Variants in ZNF213 observed in about 807,000 individuals in gnomAD.
ZNF213 encodes the protein zinc finger protein 213.
In ZNF213, 32 loss-of-function variants were observed where a neutral mutation model predicts 46.0. The ratio of observed to expected loss-of-function variants is 0.70; its 90% CI spans 0.52 to 0.93. The LOEUF is 0.93. Ranked by LOEUF, ZNF213 falls within the 40% of genes least tolerant of loss-of-function variation. The pLI is 0.00. For synonymous variants in ZNF213, 297 were observed against 271.0 expected (o/e 1.10, Z -0.94); for missense variants, 639 against 652.8 (o/e 0.98, Z 0.23).
Position 3,137,430 on chromosome 16 carries a change from A to C in ZNF213, c.150A>C (p.Gln50His), listed in dbSNP as rs7197270. The change falls in exon 2 of 6, where the codon CAA (glutamine) becomes CAC (histidine). Residue 50 changes from glutamine to histidine, a missense_variant. Coordinates refer to ENST00000396878, the MANE Select transcript of ZNF213 (RefSeq NM_004220.3). ...DSEACRQRFR[Q>H]FCYGDVHGPH... ...AAGCCTGCCGCCAGCGCTTCCGGCA[A>C]TTCTGCTACGGGGATGTGCATGGGC... 7.4e-6 allele frequency: 12 copies of C among 1,613,968 alleles called. No individual in the cohort carries two copies. Among genetic ancestry groups the C allele is most frequent in the Middle Eastern group, 1.7e-4 (1 of 6,056 alleles).
intron 2 of ZNF213, 194 bp from the exon 3 acceptor site, chr16:3,138,224 C>A: frequency 3.6e-6 from 4 of 1,103,804 alleles, no homozygotes; most frequent in South Asian, 1.6e-5. Flanking sequence ...CGTGAATGAT[C>A]GGGGAGCATC....
At chr16:3,135,598 G>A (rs937331151) in intron 1 of ZNF213, among the ~76,000 whole-genome samples, 24 of 152,176 alleles carry the variant, frequency 1.6e-4, no homozygotes, top group Admixed American at 1.5e-3. Flanking sequence ...TGCCGCTAAT[G>A]TCTGTGCAGT....
chr16:3,136,667 A>G (rs1957541148), intron 1 of ZNF213, among the ~76,000 whole-genome samples: 1 of 151,154 alleles, frequency 6.6e-6, no homozygotes, highest in Admixed American at 6.6e-5. Flanking sequence ...CAGTGAACTG[A>G]GATTGCGCCA....
At chr16:3,139,839 GT>G (rs1957583157) in intron 5 of ZNF213, 1 of 152,100 alleles carries the variant, frequency 6.6e-6, no homozygotes, top group Non-Finnish European at 1.5e-5. Context: ...CACCTCCCGG[GT>G]TCAAGCAATT....
chr16:3,141,295 A>G lies in ZNF213; in HGVS notation c.1328A>G (p.His443Arg). ...ECDKSFKQRA[H>R]LIAHQSLHAK... Reference sequence around the variant, plus strand: ...GACAAGAGCTTCAAGCAGCGCGCGCACCTCATCGCGCATCAGAGCCTGCAC... The same window carrying G: ...GACAAGAGCTTCAAGCAGCGCGCGCGCCTCATCGCGCATCAGAGCCTGCAC... The change falls in exon 6 of 6, where the codon CAC becomes CGC. Residue 443 changes from histidine to arginine, a missense_variant. Coordinates refer to ENST00000396878, the MANE Select transcript of ZNF213 (RefSeq NM_004220.3). 6.2e-7 allele frequency: 1 copy of G among 1,606,304 alleles called. No homozygotes were observed. Among genetic ancestry groups the G allele is most frequent in the Non-Finnish European group, 8.5e-7 (1 of 1,177,666 alleles).
rs1246523012 is a variant in ZNF213 at position 3,141,370 on chromosome 16, C to T, written c.*23C>T. On this transcript the variant is annotated 3_prime_UTR_variant, in exon 6 of 6. Coordinates refer to ENST00000396878, the MANE Select transcript of ZNF213 (RefSeq NM_004220.3). ...TGAGCAGCTGGCTTGGCCGGAAACC[C>T]GGGGGAGGCCCAGCCACGGCACATC... is the stretch of plus-strand genomic sequence containing the variant. 7.2e-6 allele frequency: 11 copies of T among 1,522,036 alleles called. No homozygotes were observed. In the African/African-American group the frequency reaches 1.4e-4, roughly 19 times the overall value. 94.3% of individuals were successfully genotyped at this position (1,522,036 alleles called of 1,614,324 possible). A position where few individuals can be genotyped will look rare whatever the true frequency, so the allele number is the denominator to read the frequency against.
chr16:3,137,095 C>T, intron 1 of ZNF213, 71 bp from the exon 2 acceptor site: 3 of 727,416 alleles, frequency 4.1e-6, no homozygotes, highest in Middle Eastern at 4.0e-4. Flanking sequence ...CTGGATGGCT[C>T]TTCAGCCTGG....
rs1340709991 is a variant in ZNF213, at chr16:3,140,856, C to T, written c.889C>T (p.Arg297Ter). 6.3e-7 allele frequency: 1 copy of T among 1,576,720 alleles called. No homozygotes were observed. The highest frequency in any genetic ancestry group is 1.8e-5 in the Admixed American group (1 of 54,514). Residue 297 changes from arginine (R) to a stop codon, truncating the protein, a stop_gained, in exon 6 of 6, where the codon CGA becomes TGA. Transcript: ENST00000396878. LOFTEE classifies it high-confidence loss of function. ...GGCCCTGGGCCCAGTGGTGGGCGCG[C>T]GACGGGGGCGGCCACCCACTCGCCG... ...RAALGPVVGARRGRPPTRRRQ... is the reference protein window; with the variant it reads ...RAALGPVVGA
chr16:3,140,341 C>T, intron 5 of ZNF213: 1 of 182,886 alleles, frequency 5.5e-6, no homozygotes. Flanking sequence ...TCTACCTCAG[C>T]CTCCTGAGTA....
At chr16:3,136,185 C>T (rs1957535229) in intron 1 of ZNF213, among the ~76,000 whole-genome samples, 1 of 152,146 alleles carries the variant, frequency 6.6e-6, no homozygotes, top group African/African-American at 2.4e-5. Flanking sequence ...TTGCATAATA[C>T]ACTTTTCAGT....
chr16:3,140,996 G>A lies in ZNF213; in HGVS notation c.1029G>A (p.Lys343=), dbSNP rs1957596685. ...ACCAGCGCACGCACACGGGCGAGAA[G>A]CCACACAAGTGCCCTGAGTGCGACA... ...ARHQRTHTGE[K]PHKCPECDKS... The change falls in exon 6 of 6, where the codon AAG becomes AAA. Residue 343 remains lysine (K), a synonymous_variant. Transcript: ENST00000396878. 1 of 1,611,452 alleles carries A rather than the reference G, an allele frequency of 6.2e-7. No individual in the cohort carries two copies. The highest frequency in any genetic ancestry group is 1.3e-5 in the African/African-American group (1 of 75,050).
rs141602956 is a variant in ZNF213 at position 3,139,779 on chromosome 16, C to T, written c.721+681C>T. The T allele has an allele frequency of 2.6e-3, 392 of 151,014 alleles. 2 individuals are homozygous for T. Among genetic ancestry groups the T allele is most frequent in the African/African-American group, 8.8e-3 (362 of 41,036 alleles). The allele number at this position is 151,014 out of a possible 1,614,324, so 9.4% of individuals were successfully genotyped here. On this transcript the variant is annotated intron_variant, in intron 5 of 5. Transcript: ENST00000396878. ...TTTTTTTTTGAGATGGAGTCTTGCTCTGTCGCCAGGCCGGAATGCAGTGGT... is the reference window on the plus strand; with the variant it reads ...TTTTTTTTTGAGATGGAGTCTTGCTTTGTCGCCAGGCCGGAATGCAGTGGT...
At chr16:3,137,744 C>G in intron 2 of ZNF213, 65 bp downstream of exon 2, 1 of 1,554,812 alleles carries the variant, frequency 6.4e-7, no homozygotes, top group Non-Finnish European at 8.7e-7. Flanking sequence ...AGTGGGTAAC[C>G]TGCAGAGATA....
chr16:3,142,388 C>A lies in ZNF213; in HGVS notation c.*1041C>A. On this transcript the variant is annotated 3_prime_UTR_variant, in exon 6 of 6. Transcript: ENST00000396878. ...ACCCGCTCCTTTGACATTGGTGCCC[C>A]ACTCCATCAGCACTAACGCCCTGCT... 2 of 174,628 alleles carry A rather than the reference C, an allele frequency of 1.1e-5. No homozygotes were observed. The highest frequency in any genetic ancestry group is 7.4e-5 in the South Asian group (1 of 13,454). 10.8% of individuals were successfully genotyped at this position (174,628 alleles called of 1,614,324 possible).
chr16:3,139,267 C>T (rs1222488125), intron 5 of ZNF213, 169 bp downstream of exon 5: 1 of 1,051,732 alleles, frequency 9.5e-7, no homozygotes, highest in East Asian at 2.6e-5. Flanking sequence ...TGTGCGTTTC[C>T]ACATGCAGCA....
chr16:3,139,096 T>A lies in ZNF213; in HGVS notation c.719T>A (p.Leu240Gln). ...CGGGAGAACTCCCGGAACACCACCCTGGGTAAGCACCCAGGGCCTTTGGGT... is the reference window on the plus strand; with the variant it reads ...CGGGAGAACTCCCGGAACACCACCCAGGGTAAGCACCCAGGGCCTTTGGGT... ...IKRENSRNTT[L>Q]GFGLKGQSEK... Residue 240 changes from leucine (L) to glutamine (Q), a missense_variant and splice_region_variant, in exon 5 of 6, where the codon CTG becomes CAG. Transcript: ENST00000396878. The A allele has an allele frequency of 6.2e-7, 1 of 1,613,738 alleles. No individual in the cohort carries two copies. The highest frequency in any genetic ancestry group is 1.1e-5 in the South Asian group (1 of 91,066).
chr16:3,140,635 G>C, intron 5 of ZNF213, 54 bp from the exon 6 acceptor site: 1 of 1,466,824 alleles, frequency 6.8e-7, no homozygotes, highest in Non-Finnish European at 9.0e-7. Context: ...CCTCACCTCA[G>C]CTCTGGCCCC....
chr16:3,141,604 T>G lies in ZNF213; in HGVS notation c.*257T>G. ...TGCGCCTAGCGTTCCTCTTCCCCTC[T>G]AGTTTCCTGGAGCCCCAACACATTC... On this transcript the variant is annotated 3_prime_UTR_variant, in exon 6 of 6. Transcript: ENST00000396878. The G allele has an allele frequency of 2.1e-6, 1 of 472,296 alleles. No individual in the cohort carries two copies. 29.3% of individuals were successfully genotyped at this position (472,296 alleles called of 1,614,324 possible). A position where few individuals can be genotyped will look rare whatever the true frequency, so the allele number is the denominator to read the frequency against.
intron 2 of ZNF213, 44 bp from the exon 3 acceptor site, chr16:3,138,374 C>A (rs754451040): frequency 1.2e-6 from 2 of 1,610,418 alleles, no homozygotes; most frequent in African/African-American, 1.3e-5. Context: ...CTGTCTCCCC[C>A]GGTCTGGTCT....
Sources: gnomAD v4.1 joint callset for allele counts (sites outside exome capture counted in the v4.1 genomes callset) on GRCh38, gnomAD v4.1.1 for gene constraint, MANE v1.5 for transcripts, NCBI Gene and HGNC (gene_info 2026-07-23, HGNC 2026-07-21) for gene names.